FAM168B: variants seen among roughly 807,000 people sequenced by gnomAD.
FAM168B encodes family with sequence similarity 168 member B, also known as myelin-associated neurite-outgrowth inhibitor.
A neutral mutation model predicts 21.8 loss-of-function variants in FAM168B; 19 were observed. The observed-to-expected ratio is 0.87, with a 90% CI of 0.61 to 1.28. The LOEUF (loss-of-function observed/expected upper bound fraction) is 1.28. FAM168B is among the 50% of genes most tolerant of loss of function. FAM168B has a pLI of 0.00. For missense variants in FAM168B, 233 were observed against 263.1 expected (o/e 0.89, Z 0.79); for synonymous variants, 126 against 104.8 (o/e 1.20, Z -1.24).
In FAM168B at chr2:131,093,360, C is replaced by T. The variant is rs1288414646; in HGVS notation, c.-158G>A. ...CCGAGCCCCGCGTCTCCGCCGCCTCCCGGACGCCGCGCTCCCGCTCGCTCG... is the reference window on the plus strand; with the variant it reads ...CCGAGCCCCGCGTCTCCGCCGCCTCTCGGACGCCGCGCTCCCGCTCGCTCG... On this transcript the variant is annotated 5_prime_UTR_variant, in exon 1 of 7. Transcript: ENST00000389915. 1.3e-5 allele frequency: 2 copies of T among 150,710 alleles called. No homozygotes were observed. Among genetic ancestry groups the T allele is most frequent in the African/African-American group, 2.4e-5 (1 of 41,318 alleles). The allele number at this position is 150,710 out of a possible 1,614,324, so 9.3% of individuals were successfully genotyped here.
intron 3 of FAM168B, among the ~76,000 whole-genome samples, chr2:131,069,268 G>GA (rs1310442210): frequency 6.6e-6 from 1 of 152,234 alleles, no homozygotes; most frequent in Non-Finnish European, 1.5e-5. Context: ...GGCTACCTCT[G>GA]AAAATCCTAG....
chr2:131,048,483 C>A lies in FAM168B; in HGVS notation c.*3982G>T. The stretch of plus-strand genomic sequence containing the variant: ...GTGACTTCACTTCAGTCCTGTGGAC[C>A]AAGATAAGGCTATCCCCACAGGCTC... On this transcript the variant is annotated 3_prime_UTR_variant, in exon 7 of 7. Coordinates refer to ENST00000389915, the MANE Select transcript of FAM168B (RefSeq NM_001009993.4). The A allele has an allele frequency of 8.9e-7, 1 of 1,123,622 alleles. No individual in the cohort carries two copies. The highest frequency in any genetic ancestry group is 1.1e-6 in the Non-Finnish European group (1 of 896,688). The allele number at this position is 1,123,622 out of a possible 1,614,324, so 69.6% of individuals were successfully genotyped here.
chr2:131,047,968 GCTCAT>G lies in FAM168B; in HGVS notation c.*4492_*4496del, dbSNP rs754090263. The stretch of plus-strand genomic sequence containing the variant: ...GTGCTTTTGAGATTTTTAAATCTGA[GCTCAT>G]CTCATCAGATTGCATAAAAAATTAA... On this transcript the variant is annotated 3_prime_UTR_variant, in exon 7 of 7. Transcript: ENST00000389915. 26 of 238,502 alleles carry G rather than the reference GCTCAT, an allele frequency of 1.1e-4. No homozygotes were observed. The highest frequency in any genetic ancestry group is 1.9e-4 in the Non-Finnish European group (22 of 118,060). 14.8% of individuals were successfully genotyped at this position (238,502 alleles called of 1,614,324 possible). A position where few individuals can be genotyped will look rare whatever the true frequency, so the allele number is the denominator to read the frequency against.
At chr2:131,057,883 T>C (rs148414013) in intron 3 of FAM168B, among the ~76,000 whole-genome samples, 3,125 of 152,092 alleles carry the variant, frequency 0.021, 112 homozygotes, top group African/African-American at 0.071. Context: ...TAGGCTGGAG[T>C]GTAGTGGTGC....
At chr2:131,082,279 T>C (rs2105569227) in intron 2 of FAM168B, among the ~76,000 whole-genome samples, 1 of 152,250 alleles carries the variant, frequency 6.6e-6, no homozygotes, top group Admixed American at 6.5e-5. Context: ...GGGAGGGGCC[T>C]GAACTTCAGA....
Position 131,051,252 on chromosome 2 carries a change from A to G in FAM168B, c.*1213T>C. On this transcript the variant is annotated 3_prime_UTR_variant, in exon 7 of 7. Transcript: ENST00000389915. ...CGGCCTCAGCAGACAAGTCACCACC[A>G]TCAGGTGGGTGATCCCAGAAGCAGC... The G allele has an allele frequency of 9.1e-6, 9 of 985,254 alleles. No homozygotes were observed. Among genetic ancestry groups the G allele is most frequent in the Non-Finnish European group, 1.1e-5 (9 of 829,910 alleles). The allele number at this position is 985,254 out of a possible 1,614,324, so 61.0% of individuals were successfully genotyped here.
rs1466389277 is a variant in FAM168B, at chr2:131,052,969, C to T, written c.522G>A (p.Pro174=). 28 of 1,560,384 alleles carry T rather than the reference C, an allele frequency of 1.8e-5. No individual in the cohort carries two copies. The highest frequency in any genetic ancestry group is 3.3e-4 in the Middle Eastern group (2 of 6,000). ...AHSPTPVAPH[P]VTVPTYRAPG... ...GGGCCCGGTACGTGGGCACAGTGAC[C>T]GGGTGGGGGGCGACAGGAGTTGGGG... The change falls in exon 6 of 7, where the codon CCG becomes CCA. Residue 174 remains proline, a synonymous_variant. Coordinates refer to ENST00000389915, the MANE Select transcript of FAM168B (RefSeq NM_001009993.4).
rs908766482 is a variant in FAM168B at position 131,050,884 on chromosome 2, C to T, written c.*1581G>A. The T allele has an allele frequency of 9.1e-6, 9 of 985,706 alleles. No homozygotes were observed. In the East Asian group the frequency reaches 7.9e-4, roughly 87 times the overall value. The allele number at this position is 985,706 out of a possible 1,614,324, so 61.1% of individuals were successfully genotyped here. ...TGGGAAGAAGACGCACGCTCCTGCCCTAGAGGCCGCTGAAAGGGACCCAGG... is the reference window on the plus strand; with the variant it reads ...TGGGAAGAAGACGCACGCTCCTGCCTTAGAGGCCGCTGAAAGGGACCCAGG... On this transcript the variant is annotated 3_prime_UTR_variant, in exon 7 of 7. Coordinates refer to ENST00000389915, the MANE Select transcript of FAM168B (RefSeq NM_001009993.4).
intron 2 of FAM168B, among the ~76,000 whole-genome samples, chr2:131,078,731 G>A (rs1001498897): frequency 3.9e-5 from 6 of 152,154 alleles, no homozygotes; most frequent in African/African-American, 1.4e-4. Context: ...GCTCAGGCCT[G>A]TACTCCCAGT....
chr2:131,063,513 G>A (rs1214107863), intron 3 of FAM168B, among the ~76,000 whole-genome samples: 2 of 152,188 alleles, frequency 1.3e-5, no homozygotes, highest in Non-Finnish European at 2.9e-5. Context: ...GAGCTATGGT[G>A]CACACCTGTA....
At chr2:131,067,478 C>T (rs1387480400) in intron 3 of FAM168B, among the ~76,000 whole-genome samples, 1 of 152,194 alleles carries the variant, frequency 6.6e-6, no homozygotes, top group Non-Finnish European at 1.5e-5. Flanking sequence ...TAGTGGCTCA[C>T]TCCTGTAATC....
At chr2:131,053,159 TGATTA>T in intron 5 of FAM168B, 144 bp from the exon 6 acceptor site, 1 of 1,233,480 alleles carries the variant, frequency 8.1e-7, no homozygotes, top group Non-Finnish European at 1.1e-6. Flanking sequence ...GTCAGAACTC[TGATTA>T]GATAATCCCC....
chr2:131,075,546 A>G (rs1308483048), intron 2 of FAM168B, among the ~76,000 whole-genome samples: 3 of 151,312 alleles, frequency 2.0e-5, no homozygotes, highest in Non-Finnish European at 2.9e-5. Context: ...CCAGGCTGGA[A>G]TGCAGTGGCG....
At chr2:131,085,640 C>G (rs1693655234) in intron 1 of FAM168B, among the ~76,000 whole-genome samples, 1 of 152,208 alleles carries the variant, frequency 6.6e-6, no homozygotes, top group South Asian at 2.1e-4. Flanking sequence ...GCCTCTGTAA[C>G]AGGAAGTTCT....
chr2:131,077,365 G>C (rs545564534), intron 2 of FAM168B, among the ~76,000 whole-genome samples: 89 of 152,276 alleles, frequency 5.8e-4, no homozygotes, highest in African/African-American at 2.0e-3. Flanking sequence ...ACAGTCTCAG[G>C]AGCAGGACCA....
intron 3 of FAM168B, among the ~76,000 whole-genome samples, chr2:131,064,545 C>T (rs1692461608): frequency 6.6e-6 from 1 of 152,180 alleles, no homozygotes. Flanking sequence ...GAAATAACTG[C>T]TCTCTAGAAT....
chr2:131,060,168 G>A (rs1692222112), intron 3 of FAM168B, among the ~76,000 whole-genome samples: 1 of 152,158 alleles, frequency 6.6e-6, no homozygotes, highest in East Asian at 1.9e-4. Context: ...TGGGACTACA[G>A]GCGTGCACCA....
chr2:131,081,011 G>C (rs1322897568), intron 2 of FAM168B, among the ~76,000 whole-genome samples: 2 of 152,064 alleles, frequency 1.3e-5, no homozygotes, highest in African/African-American at 4.8e-5. Context: ...AGCCCTTCTG[G>C]AGAAGAGCTC....
intron 2 of FAM168B, 125 bp from the exon 3 acceptor site, chr2:131,072,063 C>T (rs1035640841): frequency 2.6e-6 from 2 of 761,498 alleles, no homozygotes; most frequent in African/African-American, 3.5e-5. Flanking sequence ...GCCCCAAGAG[C>T]ACTATGTGTG....
Sources: allele counts gnomAD v4.1 joint callset (sites outside exome capture counted in the v4.1 genomes callset), GRCh38; gene constraint gnomAD v4.1.1; transcripts MANE v1.5; gene names NCBI Gene and HGNC (gene_info 2026-07-23, HGNC 2026-07-21).